CACNA1D: variants seen among roughly 807,000 people sequenced by gnomAD.
CACNA1D encodes voltage-dependent L-type calcium channel subunit alpha-1D.
CACNA1D carries 55 observed loss-of-function variants against 257.1 expected under a neutral mutation model. The ratio of observed to expected loss-of-function variants is 0.21; its 90% CI spans 0.17 to 0.27. The LOEUF (loss-of-function observed/expected upper bound fraction) is 0.27. Ranked by LOEUF, CACNA1D falls within the 10% of genes least tolerant of loss-of-function variation. CACNA1D has a pLI of 1.00. For synonymous variants in CACNA1D, 980 were observed against 1,014.9 expected (o/e 0.97, Z 0.65); for missense variants, 1,876 against 2,784.0 (o/e 0.67, Z 7.34).
chr3:53,743,014 A>G lies in CACNA1D; in HGVS notation c.2815A>G (p.Thr939Ala), dbSNP rs778190780. ...IFTVEILLKM[T>A]TFGAFLHKGA... ...TCATCCATGATTCTGCTTCTAGATG[A>G]CAACTTTTGGAGCTTTCCTCCACAA... The change falls in exon 22 of 48, where the codon ACA (threonine) becomes GCA (alanine). Residue 939 changes from threonine to alanine, a missense_variant. By Grantham distance (58) the Thr-to-Ala change is moderately conservative (BLOSUM62 0). Transcript: ENST00000350061. 8 of 1,606,002 alleles carry G rather than the reference A, an allele frequency of 5.0e-6. No homozygotes were observed. The highest frequency in any genetic ancestry group is 6.0e-6 in the Non-Finnish European group (7 of 1,172,698).
At position 53,603,786 on chromosome 3, in the gene CACNA1D, T is replaced by C. The variant is rs562275995; in HGVS notation, c.484-46993T>C. ...CTGGGGAACTTCAAAATCCATATCC[T>C]ATGGTTGATTTCCAGATTCACTGAA... On this transcript the variant is annotated intron_variant, in intron 3 of 47. Coordinates refer to ENST00000350061, the MANE Select transcript of CACNA1D (RefSeq NM_001128840.3). Among the ~76,000 whole-genome samples the C allele has an allele frequency of 9.8e-5, 15 of 152,304 alleles. No homozygotes were observed. The East Asian group carries it at 2.9e-3, about 29-fold the overall frequency.
Position 53,613,205 on chromosome 3 carries a change from A to G in CACNA1D, c.484-37574A>G, listed in dbSNP as rs986695566. ...CTCTATAATGTATTTATCAAGTGCC[A>G]GGACAGAGCTATTATGGTTTTTCTA... On this transcript the variant is annotated intron_variant, in intron 3 of 47. Transcript: ENST00000350061. Among the ~76,000 whole-genome samples the G allele has an allele frequency of 6.6e-5, 10 of 152,360 alleles. No homozygotes were observed. The East Asian group carries it at 1.7e-3, about 26-fold the overall frequency.
At chr3:53,798,909 G>C (rs2095521662) in intron 40 of CACNA1D, among the ~76,000 whole-genome samples, 1 of 152,206 alleles carries the variant, frequency 6.6e-6, no homozygotes, top group Admixed American at 6.5e-5. Context: ...GCTTGTCTCA[G>C]GGATGGTCAT....
At chr3:53,689,867 G>A (rs2094504349) in intron 8 of CACNA1D, among the ~76,000 whole-genome samples, 1 of 152,086 alleles carries the variant, frequency 6.6e-6, no homozygotes, top group Admixed American at 6.5e-5. Context: ...TCTCTATGTT[G>A]CCTGGCTGGT....
At chr3:53,607,367 G>A (rs963465134) in intron 3 of CACNA1D, among the ~76,000 whole-genome samples, 2 of 152,214 alleles carry the variant, frequency 1.3e-5, no homozygotes, top group African/African-American at 4.8e-5. Flanking sequence ...CCCTGGAAGT[G>A]GGCAAGCCCA....
intron 14 of CACNA1D, among the ~76,000 whole-genome samples, chr3:53,725,628 C>G (rs980978645): frequency 3.9e-5 from 6 of 152,304 alleles, no homozygotes; most frequent in Middle Eastern, 3.4e-3. Flanking sequence ...GGATGCCCAT[C>G]AGTTAGGTGA....
intron 5 of CACNA1D, among the ~76,000 whole-genome samples, chr3:53,662,841 A>G (rs1460188115): frequency 6.6e-6 from 1 of 152,216 alleles, no homozygotes; most frequent in Non-Finnish European, 1.5e-5. Flanking sequence ...AAATATTCAC[A>G]AAGCTTACTG....
intron 29 of CACNA1D, among the ~76,000 whole-genome samples, chr3:53,755,004 G>A (rs1271845571): frequency 6.6e-6 from 1 of 152,228 alleles, no homozygotes; most frequent in South Asian, 2.1e-4. Context: ...TGCATGGCCA[G>A]ATGTTATTAT....
intron 3 of CACNA1D, among the ~76,000 whole-genome samples, chr3:53,557,249 A>G (rs1431668395): frequency 1.3e-5 from 2 of 152,138 alleles, no homozygotes; most frequent in Non-Finnish European, 2.9e-5. Context: ...TAATCCCAGC[A>G]CTTGGGAGTC....
At chr3:53,744,466 CAA>C (rs1298692630) in intron 22 of CACNA1D, among the ~76,000 whole-genome samples, 3 of 152,182 alleles carry the variant, frequency 2.0e-5, no homozygotes, top group Non-Finnish European at 2.9e-5. Context: ...GTGGAAAGAA[CAA>C]AGAGAGTTCG....
At position 53,674,731 on chromosome 3, in the gene CACNA1D, CA is replaced by C. The variant is rs1188123496; in HGVS notation, c.1220+1607del. ...AGCTGGGGGCTGTATGGCTCTCTCACAATCAGCTCCTTCATACAGCCATTGC... is the reference window on the plus strand; with the variant it reads ...AGCTGGGGGCTGTATGGCTCTCTCACATCAGCTCCTTCATACAGCCATTGC... On this transcript the variant is annotated intron_variant, in intron 8 of 47. Transcript: ENST00000350061. 4.6e-5 allele frequency among the ~76,000 whole-genome samples: 7 copies of C among 152,310 alleles called. No individual in the cohort carries two copies. The East Asian group carries it at 1.4e-3, about 29-fold the overall frequency.
intron 3 of CACNA1D, among the ~76,000 whole-genome samples, chr3:53,520,536 C>T (rs143243910): frequency 0.021 from 3,193 of 152,260 alleles, 51 homozygotes; most frequent in Non-Finnish European, 0.033. Context: ...GAGGCCAAGG[C>T]GGGTCGGTCA....
chr3:53,610,916 G>A (rs2093575317), intron 3 of CACNA1D, among the ~76,000 whole-genome samples: 1 of 152,098 alleles, frequency 6.6e-6, no homozygotes, highest in Admixed American at 6.6e-5. Flanking sequence ...TAACTTTTCT[G>A]TAGTGTATTT....
intron 3 of CACNA1D, among the ~76,000 whole-genome samples, chr3:53,582,641 T>A (rs2093152036): frequency 6.6e-6 from 1 of 152,116 alleles, no homozygotes; most frequent in Non-Finnish European, 1.5e-5. Flanking sequence ...ATTCTCAGGA[T>A]CTGGTTGCTC....
At chr3:53,667,713 C>T (rs982847957) in intron 7 of CACNA1D, among the ~76,000 whole-genome samples, 1 of 152,132 alleles carries the variant, frequency 6.6e-6, no homozygotes, top group Non-Finnish European at 1.5e-5. Context: ...ATATTTTTAT[C>T]TTTAATCCCC....
chr3:53,512,026 A>G (rs2091134379), intron 3 of CACNA1D, among the ~76,000 whole-genome samples: 1 of 152,260 alleles, frequency 6.6e-6, no homozygotes, highest in Non-Finnish European at 1.5e-5. Context: ...TTATATTTAA[A>G]TGACTGCTTT....
At chr3:53,715,238 G>A (rs544859553) in intron 9 of CACNA1D, among the ~76,000 whole-genome samples, 55 of 152,192 alleles carry the variant, frequency 3.6e-4, no homozygotes, top group Non-Finnish European at 5.9e-4. Context: ...CTTTCTTTCC[G>A]TCTGCCTCTG....
intron 4 of CACNA1D, among the ~76,000 whole-genome samples, chr3:53,656,546 AG>A (rs1416085113): frequency 6.6e-6 from 1 of 152,186 alleles, no homozygotes; most frequent in Non-Finnish European, 1.5e-5. Flanking sequence ...GGACACAAAA[AG>A]CTCCAGCCAT....
At chr3:53,772,687 C>CTTT (rs1190210664) in intron 32 of CACNA1D, 146 bp from the exon 33 acceptor site, 11 of 673,718 alleles carry the variant, frequency 1.6e-5, no homozygotes, top group Admixed American at 4.2e-5. Context: ...GGGATTTAAA[C>CTTT]GGTTCTTCCT....
Sources: gnomAD v4.1 joint callset for allele counts (sites outside exome capture counted in the v4.1 genomes callset) on GRCh38, gnomAD v4.1.1 for gene constraint, MANE v1.5 for transcripts, NCBI Gene and HGNC (gene_info 2026-07-23, HGNC 2026-07-21) for gene names.